TTC7B: variants seen among roughly 807,000 people sequenced by gnomAD.
The protein encoded by TTC7B is tetratricopeptide repeat protein 7B.
Under a neutral mutation model 106.8 loss-of-function variants are expected in TTC7B, and 28 were observed. The ratio of observed to expected loss-of-function variants is 0.26; its 90% CI spans 0.19 to 0.36. The LOEUF is 0.36. TTC7B is among the 10% of genes least tolerant of loss of function. TTC7B has a pLI of 1.00. For missense variants in TTC7B, 862 were observed against 1,076.4 expected (o/e 0.80, Z 2.79); for synonymous variants, 405 against 430.6 (o/e 0.94, Z 0.74).
chr14:90,600,966 T>C lies in TTC7B; in HGVS notation c.1967-7340A>G, dbSNP rs1186077593. 6.6e-6 allele frequency among the ~76,000 whole-genome samples: 1 copy of C among 152,128 alleles called. No homozygotes were observed. The highest frequency in any genetic ancestry group is 6.5e-5 in the Admixed American group (1 of 15,280). On this transcript the variant is annotated intron_variant, in intron 17 of 19. Transcript: ENST00000328459. The surrounding 1 kb of genome is among the most constrained non-coding windows in gnomAD (Gnocchi z 4.3). ...AAGGCTCTCTGAGCCTCCAAGTGCCTGACTGCCGGCGTCCTGGGGAAAGCC... is the reference window on the plus strand; with the variant it reads ...AAGGCTCTCTGAGCCTCCAAGTGCCCGACTGCCGGCGTCCTGGGGAAAGCC...
intron 19 of TTC7B, among the ~76,000 whole-genome samples, chr14:90,563,407 C>T (rs1026151028): frequency 6.6e-6 from 1 of 152,170 alleles, no homozygotes; most frequent in Non-Finnish European, 1.5e-5. Context: ...TACCATTATA[C>T]CTAAAACAAG....
At chr14:90,714,193 A>G (rs941204862) in intron 5 of TTC7B, among the ~76,000 whole-genome samples, 3 of 151,842 alleles carry the variant, frequency 2.0e-5, no homozygotes, top group African/African-American at 7.3e-5. Flanking sequence ...TCACGTCATC[A>G]CACTCCAGCC....
chr14:90,547,794 A>G (rs1423849763), intron 19 of TTC7B, among the ~76,000 whole-genome samples: 2 of 152,074 alleles, frequency 1.3e-5, no homozygotes, highest in Non-Finnish European at 2.9e-5. Flanking sequence ...TAAAAAAAAA[A>G]AGCTCTTTTG....
At chr14:90,748,413 C>T (rs925058041) in intron 3 of TTC7B, among the ~76,000 whole-genome samples, 1 of 152,190 alleles carries the variant, frequency 6.6e-6, no homozygotes, top group African/African-American at 2.4e-5. Flanking sequence ...ACTGCAACCT[C>T]CACCTCCTGG....
At position 90,541,532 on chromosome 14, in the gene TTC7B, C is replaced by T. The variant is rs1156651684; in HGVS notation, c.2368G>A (p.Ala790Thr). ...TGGGCTGTCGAGTTCACCTGCACCG[C>T]GTCCCGGAGGATCTTCTCCGCCAGA... The part of the protein sequence containing the change: ...YSLAEKILRD[A>T]VQVNSTAHEV... Residue 790 changes from alanine to threonine, a missense_variant, in exon 20 of 20, where the codon GCG becomes ACG. Transcript: ENST00000328459. The T allele has an allele frequency of 1.4e-5, 23 of 1,612,744 alleles. No homozygotes were observed. The Admixed American group carries it at 1.7e-4, about 12-fold the overall frequency.
intron 5 of TTC7B, among the ~76,000 whole-genome samples, chr14:90,729,157 T>G (rs1889228181): frequency 6.6e-6 from 1 of 152,228 alleles, no homozygotes; most frequent in Admixed American, 6.5e-5. Flanking sequence ...TAATAGGACT[T>G]GAAAAATAGG....
chr14:90,793,989 G>A (rs532835736), intron 1 of TTC7B, among the ~76,000 whole-genome samples: 52 of 151,658 alleles, frequency 3.4e-4, no homozygotes, highest in Non-Finnish European at 5.4e-4. Context: ...TACAGCCTCC[G>A]CCTCCCAGGT....
intron 19 of TTC7B, among the ~76,000 whole-genome samples, chr14:90,562,395 G>A (rs937433350): frequency 6.6e-6 from 1 of 152,186 alleles, no homozygotes; most frequent in African/African-American, 2.4e-5. Context: ...GTTATGACAA[G>A]CTGAGTCCAG....
At chr14:90,791,807 GA>G (rs1891595882) in intron 1 of TTC7B, among the ~76,000 whole-genome samples, 1 of 152,086 alleles carries the variant, frequency 6.6e-6, no homozygotes, top group Non-Finnish European at 1.5e-5. Context: ...AGGCTTGCTA[GA>G]TCCCCAACAC....
chr14:90,609,323 T>C (rs1288126787), intron 17 of TTC7B, among the ~76,000 whole-genome samples: 2 of 152,254 alleles, frequency 1.3e-5, no homozygotes, highest in Non-Finnish European at 1.5e-5. Flanking sequence ...CCGCTTCCAG[T>C]GCCCAAAAAT....
At chr14:90,762,283 G>A (rs1339785395) in intron 3 of TTC7B, among the ~76,000 whole-genome samples, 1 of 152,214 alleles carries the variant, frequency 6.6e-6, no homozygotes. Flanking sequence ...TGGCTTATCT[G>A]TCTCTTCCAA....
chr14:90,683,521 T>C (rs560937337), intron 7 of TTC7B, among the ~76,000 whole-genome samples: 40 of 152,236 alleles, frequency 2.6e-4, no homozygotes, highest in African/African-American at 9.4e-4. Flanking sequence ...AGGACTTAAA[T>C]TGAAAATTAA....
chr14:90,761,776 C>T (rs957596433), intron 3 of TTC7B, among the ~76,000 whole-genome samples: 2 of 152,306 alleles, frequency 1.3e-5, no homozygotes, highest in Non-Finnish European at 1.5e-5. Flanking sequence ...CAACCACCTT[C>T]CCATACCAAC....
intron 15 of TTC7B, among the ~76,000 whole-genome samples, chr14:90,625,862 C>T (rs1884416573): frequency 1.3e-5 from 2 of 152,218 alleles, no homozygotes; most frequent in Admixed American, 1.3e-4. Flanking sequence ...CATTGATGTG[C>T]TATTCATTGG....
chr14:90,571,936 G>C (rs1891050488), intron 19 of TTC7B, among the ~76,000 whole-genome samples: 1 of 152,196 alleles, frequency 6.6e-6, no homozygotes, highest in Non-Finnish European at 1.5e-5. Flanking sequence ...TTCTGGAGGA[G>C]CCCCCTGGGA....
In TTC7B at chr14:90,546,330, C is replaced by T. The variant is rs935526481; in HGVS notation, c.2311-4741G>A. On this transcript the variant is annotated intron_variant, in intron 19 of 19. Transcript: ENST00000328459. The stretch of plus-strand genomic sequence containing the variant: ...ATGTGCTCTTCTGCACTGCAGCCCT[C>T]ATGTCCTTTCCAATTCTAGGGGCCC... Among the ~76,000 whole-genome samples the T allele has an allele frequency of 2.0e-5, 3 of 152,362 alleles. No homozygotes were observed. In the East Asian group the frequency reaches 5.8e-4, roughly 29 times the overall value.
intron 10 of TTC7B, 170 bp downstream of exon 10, chr14:90,658,134 C>A (rs1886026243): frequency 1.6e-6 from 1 of 620,296 alleles, no homozygotes; most frequent in Non-Finnish European, 2.8e-6. Flanking sequence ...TCCATCTTGG[C>A]TCCCCAAACA....
chr14:90,665,093 G>A (rs947001990), intron 9 of TTC7B, among the ~76,000 whole-genome samples: 1 of 152,098 alleles, frequency 6.6e-6, no homozygotes, highest in Non-Finnish European at 1.5e-5. Context: ...GGGAAGTGGG[G>A]CCAGTCCAGG....
chr14:90,785,070 G>A (rs1177261463), intron 2 of TTC7B, among the ~76,000 whole-genome samples: 2 of 152,150 alleles, frequency 1.3e-5, no homozygotes, highest in Non-Finnish European at 2.9e-5. Context: ...GAACATGCAG[G>A]AGCCGGGAAG....
Sources: gnomAD v4.1 joint callset for allele counts (sites outside exome capture counted in the v4.1 genomes callset) on GRCh38, gnomAD v4.1.1 for gene constraint, Gnocchi (gnomAD v3.1) non-coding constraint, MANE v1.5 for transcripts, NCBI Gene and HGNC (gene_info 2026-07-23, HGNC 2026-07-21) for gene names.